ZNF560: variants seen among roughly 807,000 people sequenced by gnomAD.
ZNF560 encodes zinc finger protein 560.
Under a neutral mutation model 81.8 loss-of-function variants are expected in ZNF560, and 54 were observed. The ratio of observed to expected loss-of-function variants is 0.66; its 90% CI spans 0.53 to 0.83. The LOEUF (loss-of-function observed/expected upper bound fraction) is 0.83, where lower values mean the gene tolerates loss of function less well. Among genes scored for constraint, ZNF560 ranks in the 40% least tolerant of loss-of-function variants. The pLI is 0.00. For synonymous variants in ZNF560, 321 were observed against 317.9 expected (o/e 1.01, Z -0.10); for missense variants, 940 against 932.4 (o/e 1.01, Z -0.11).
At chr19:9,483,625 A>G (rs1253917586) in intron 2 of ZNF560, among the ~76,000 whole-genome samples, 5 of 119,610 alleles carry the variant, frequency 4.2e-5, no homozygotes, top group Non-Finnish European at 6.9e-5. Context: ...TCTGGGAGGG[A>G]GGTGGGGGCC....
Position 9,466,996 on chromosome 19 carries a change from T to G in ZNF560, c.1951A>C (p.Thr651Pro), listed in dbSNP as rs759070558. The G allele has an allele frequency of 6.2e-7, 1 of 1,614,060 alleles. No homozygotes were observed. Among genetic ancestry groups the G allele is most frequent in the South Asian group, 1.1e-5 (1 of 91,082 alleles). The change falls in exon 10 of 10, where the codon ACT (threonine) becomes CCT (proline). Residue 651 changes from threonine to proline, a missense_variant. Transcript: ENST00000301480. The part of the protein sequence containing the change: ...SSLVDHLRTH[T>P]GYKPYKCNAC... ...TTACATTTATAGGGTTTATATCCAG[T>G]GTGAGTTCTTAAATGATCAACTAGA...
At chr19:9,450,627 C>T in the ZNF560 span, among the ~76,000 whole-genome samples, 1 of 152,098 alleles carries the variant, frequency 6.6e-6, no homozygotes, top group African/African-American at 2.4e-5. Context: ...GATCTCGGCT[C>T]ACTGCAACCT....
At chr19:9,471,584 ACT>A (rs2073123721) in intron 5 of ZNF560, among the ~76,000 whole-genome samples, 1 of 152,174 alleles carries the variant, frequency 6.6e-6, no homozygotes, top group African/African-American at 2.4e-5. Flanking sequence ...CTACAAATTG[ACT>A]CATTTAGATT....
chr19:9,489,099 A>T (rs907325898), intron 2 of ZNF560, among the ~76,000 whole-genome samples: 2 of 152,236 alleles, frequency 1.3e-5, no homozygotes, highest in Non-Finnish European at 2.9e-5. Flanking sequence ...TTATTCTGCA[A>T]TTTAAAACTT....
chr19:9,471,804 T>C (rs2073126850), intron 5 of ZNF560, among the ~76,000 whole-genome samples: 1 of 152,200 alleles, frequency 6.6e-6, no homozygotes, highest in Non-Finnish European at 1.5e-5. Context: ...TGAGAGAAGG[T>C]GCATCTTAAA....
At chr19:9,487,505 G>A (rs1427181146) in intron 2 of ZNF560, among the ~76,000 whole-genome samples, 2 of 152,164 alleles carry the variant, frequency 1.3e-5, no homozygotes, top group Non-Finnish European at 2.9e-5. Context: ...AGAGGCTCAT[G>A]ATATTAGATT....
At chr19:9,493,924 G>A (rs576195658) in intron 2 of ZNF560, among the ~76,000 whole-genome samples, 1 of 152,014 alleles carries the variant, frequency 6.6e-6, no homozygotes, top group African/African-American at 2.4e-5. Flanking sequence ...CCTGAGGTCA[G>A]GAGTTCCAGA....
intron 2 of ZNF560, among the ~76,000 whole-genome samples, chr19:9,485,509 G>GAA (rs36106807): frequency 1.6e-4 from 20 of 127,364 alleles, no homozygotes; most frequent in African/African-American, 2.4e-4. Flanking sequence ...TACATCTCAA[G>GAA]AAAAAAAAAA....
chr19:9,467,496 C>G lies in ZNF560; in HGVS notation c.1451G>C (p.Gly484Ala). 1 of 1,614,098 alleles carries G rather than the reference C, an allele frequency of 6.2e-7. No homozygotes were observed. Among genetic ancestry groups the G allele is most frequent in the Non-Finnish European group, 8.5e-7 (1 of 1,180,004 alleles). Residue 484 changes from glycine (G) to alanine (A), a missense_variant, in exon 10 of 10, where the codon GGA becomes GCA. Coordinates refer to ENST00000301480, the MANE Select transcript of ZNF560 (RefSeq NM_152476.3). ...GVIEDRRSNT[G>A]QKRFDCDQCG... ...CTGGTCACAATCAAAGCGTTTCTGT[C>G]CTGTGTTACTTCTTCTATCTTCAAT...
At chr19:9,485,774 G>C (rs1052040154) in intron 2 of ZNF560, among the ~76,000 whole-genome samples, 2 of 152,060 alleles carry the variant, frequency 1.3e-5, no homozygotes, top group African/African-American at 4.8e-5. Context: ...GGCCTCAAGT[G>C]ATCCTCCCGC....
the ZNF560 span, among the ~76,000 whole-genome samples, chr19:9,505,413 T>C: frequency 6.6e-6 from 1 of 152,248 alleles, no homozygotes; most frequent in African/African-American, 2.4e-5. Flanking sequence ...GCTTTTTATA[T>C]AAAGTGAATT....
rs1484623438 is a variant in ZNF560 at position 9,467,101 on chromosome 19, T to C, written c.1846A>G (p.Thr616Ala). Residue 616 changes from threonine to alanine, a missense_variant, in exon 10 of 10, where the codon ACT becomes GCT. Transcript: ENST00000301480. ...CCAGTGTGTCTTCGTAAATGTTTAG[T>C]AAGATCTGAGCGTTCTGTGAAGGCT... ...GKAFTERSDL[T>A]KHLRRHTGDK... The C allele has an allele frequency of 6.2e-7, 1 of 1,613,980 alleles. No individual in the cohort carries two copies. The highest frequency in any genetic ancestry group is 2.2e-5 in the East Asian group (1 of 44,874).
At chr19:9,492,206 A>C (rs1399758657) in intron 2 of ZNF560, among the ~76,000 whole-genome samples, 2 of 152,064 alleles carry the variant, frequency 1.3e-5, no homozygotes, top group Non-Finnish European at 2.9e-5. Context: ...GGGTTTCACC[A>C]TGTTGCCCAG....
intron 2 of ZNF560, among the ~76,000 whole-genome samples, chr19:9,495,043 T>C (rs1157486027): frequency 6.6e-6 from 1 of 152,120 alleles, no homozygotes. Flanking sequence ...GCCTATTGAC[T>C]GAGTGTGGAA....
intron 6 of ZNF560, 77 bp downstream of exon 6, chr19:9,471,219 T>C (rs1376214391): frequency 3.7e-6 from 4 of 1,090,738 alleles, no homozygotes; most frequent in Non-Finnish European, 5.3e-6. Flanking sequence ...CAATTATCTT[T>C]TGTGCTTATT....
intron 2 of ZNF560, among the ~76,000 whole-genome samples, chr19:9,487,194 T>C (rs1024144978): frequency 6.6e-6 from 1 of 152,242 alleles, no homozygotes; most frequent in African/African-American, 2.4e-5. Context: ...CATCTCGTCA[T>C]TGTTCCATCT....
At chr19:9,480,352 T>C (rs1027686099) in intron 2 of ZNF560, among the ~76,000 whole-genome samples, 1 of 151,896 alleles carries the variant, frequency 6.6e-6, no homozygotes, top group African/African-American at 2.4e-5. Flanking sequence ...ATTAGAAAAT[T>C]CACAAATAGG....
chr19:9,463,829 C>T (rs571353093), downstream of ZNF560, among the ~76,000 whole-genome samples: 19 of 152,272 alleles, frequency 1.2e-4, no homozygotes, highest in Non-Finnish European at 2.4e-4. Flanking sequence ...ACTACAGGCA[C>T]GTGCCATCAC....
chr19:9,495,104 C>A (rs2073536918), intron 2 of ZNF560, among the ~76,000 whole-genome samples: 1 of 151,956 alleles, frequency 6.6e-6, no homozygotes, highest in Non-Finnish European at 1.5e-5. Context: ...TGCACCACCG[C>A]ACTCTAGCCA....
Sources: gnomAD v4.1 joint callset for allele counts (sites outside exome capture counted in the v4.1 genomes callset) on GRCh38, gnomAD v4.1.1 for gene constraint, MANE v1.5 for transcripts, NCBI Gene and HGNC (gene_info 2026-07-23, HGNC 2026-07-21) for gene names.